Variants in NBEA observed in about 807,000 individuals in gnomAD.
The protein encoded by NBEA is neurobeachin.
Under a neutral mutation model 343.4 loss-of-function variants are expected in NBEA, and 44 were observed. The observed-to-expected ratio is 0.13, with a 90% CI of 0.10 to 0.16. NBEA has a LOEUF of 0.16. NBEA is among the 10% of genes least tolerant of loss of function. NBEA has a pLI of 1.00. For synonymous variants in NBEA, 1,175 were observed against 1,238.7 expected, an observed-to-expected ratio of 0.95 and a Z score of 1.08; for missense variants, 2,555 against 3,631.3, an observed-to-expected ratio of 0.70 and a Z score of 7.62.
At chr13:35,100,605 A>G (rs1225321613) in intron 11 of NBEA, among the ~76,000 whole-genome samples, 3 of 152,006 alleles carry the variant, frequency 2.0e-5, no homozygotes, top group African/African-American at 7.2e-5. Context: ...TGTATCAGAA[A>G]ATTCTAAAGT....
intron 31 of NBEA, among the ~76,000 whole-genome samples, chr13:35,197,573 A>G (rs1054612585): frequency 2.0e-5 from 3 of 151,806 alleles, no homozygotes; most frequent in Admixed American, 6.6e-5. Context: ...GCTAGAGTGC[A>G]GTGGTGCGAT....
intron 46 of NBEA, among the ~76,000 whole-genome samples, chr13:35,589,307 T>G (rs562265564): frequency 6.6e-6 from 1 of 152,098 alleles, no homozygotes; most frequent in Non-Finnish European, 1.5e-5. Context: ...GACCTTGAAT[T>G]TTCTCAGATA....
At chr13:35,501,495 T>A (rs2076887322) in intron 41 of NBEA, among the ~76,000 whole-genome samples, 1 of 152,148 alleles carries the variant, frequency 6.6e-6, no homozygotes, top group Non-Finnish European at 1.5e-5. Context: ...TTTTCAAAGC[T>A]GTAGTTTTAT....
chr13:35,317,336 C>G (rs2037810423), intron 36 of NBEA, among the ~76,000 whole-genome samples: 1 of 152,142 alleles, frequency 6.6e-6, no homozygotes, highest in Admixed American at 6.5e-5. Context: ...AGCCAGTTTT[C>G]CCAGCACCAT....
At position 35,271,520 on chromosome 13, in the gene NBEA, C is replaced by T. The variant is rs568773342; in HGVS notation, c.5777-18869C>T. On this transcript the variant is annotated intron_variant, in intron 34 of 58. Transcript: ENST00000379939. ...ATGGAGAATGACTTTGACGAGTTGA[C>T]AGAAGTAGGCTTCAGAAGGTTAGTA... Among the ~76,000 whole-genome samples the T allele has an allele frequency of 2.0e-4, 30 of 152,244 alleles. No individual in the cohort carries two copies. The South Asian group carries it at 5.4e-3, about 27-fold the overall frequency.
chr13:35,318,128 T>G (rs2037875586), intron 36 of NBEA, among the ~76,000 whole-genome samples: 1 of 152,128 alleles, frequency 6.6e-6, no homozygotes, highest in Admixed American at 6.6e-5. Context: ...CCAGAACTTC[T>G]GATACTATGT....
chr13:35,152,511 C>T (rs986147883), intron 18 of NBEA, among the ~76,000 whole-genome samples: 5 of 152,112 alleles, frequency 3.3e-5, no homozygotes, highest in Non-Finnish European at 7.4e-5. Context: ...ACTAATACTA[C>T]AAAATTTATG....
intron 41 of NBEA, among the ~76,000 whole-genome samples, chr13:35,479,574 A>AT (rs2076036179): frequency 6.6e-6 from 1 of 152,094 alleles, no homozygotes; most frequent in Non-Finnish European, 1.5e-5. Context: ...TGGGGGATAT[A>AT]TTTATTTTAT....
intron 45 of NBEA, among the ~76,000 whole-genome samples, chr13:35,577,231 A>G (rs988604044): frequency 6.6e-6 from 1 of 152,190 alleles, no homozygotes; most frequent in East Asian, 1.9e-4. Flanking sequence ...CATAGTGCCA[A>G]TGTGGATAAA....
At position 35,155,824 on chromosome 13, in the gene NBEA, G is replaced by T; in HGVS notation, c.2496G>T (p.Glu832Asp). ...AGGTCGTACACAAACCACATCCAGA[G>T]CCAGATTCTACAGTGAAAATTCAGA... ...CTQVVHKPHP[E>D]PDSTVKIQNP... Residue 832 changes from glutamate to aspartate, a missense_variant, in exon 19 of 59, where the codon GAG becomes GAT. By Grantham distance (45) the Glu-to-Asp change is conservative. Around this residue, in one of 21 missense-constraint regions of NBEA, gnomAD observed 360 missense variants for 519.1 expected, o/e 0.69. Transcript: ENST00000379939. 2 of 1,612,688 alleles carry T rather than the reference G, an allele frequency of 1.2e-6. No individual in the cohort carries two copies. Among genetic ancestry groups the T allele is most frequent in the Non-Finnish European group, 1.7e-6 (2 of 1,178,814 alleles).
chr13:35,164,645 A>G lies in NBEA; in HGVS notation c.4233+136A>G, dbSNP rs183339324. 3,086 of 917,610 alleles carry G rather than the reference A, an allele frequency of 3.4e-3. 28 individuals are homozygous for G. The highest frequency in any genetic ancestry group is 5.3e-3 in the South Asian group (341 of 63,796). 56.8% of individuals were successfully genotyped at this position (917,610 alleles called of 1,614,324 possible). A position where few individuals can be genotyped will look rare whatever the true frequency, so the allele number is the denominator to read the frequency against. On this transcript the variant is annotated intron_variant, in intron 24 of 58. Transcript: ENST00000379939. ...CAAATTTTTAACCATTTAAATTTCT[A>G]TTTCCACCACTTTTGTTTATCAGTG... is the stretch of plus-strand genomic sequence containing the variant.
intron 40 of NBEA, among the ~76,000 whole-genome samples, chr13:35,464,594 C>T (rs958223185): frequency 1.3e-5 from 2 of 152,176 alleles, no homozygotes; most frequent in African/African-American, 4.8e-5. Flanking sequence ...ACTTTCGAAT[C>T]AGATCACCAA....
intron 38 of NBEA, among the ~76,000 whole-genome samples, chr13:35,395,117 G>A (rs1214032538): frequency 6.6e-6 from 1 of 152,078 alleles, no homozygotes; most frequent in Non-Finnish European, 1.5e-5. Flanking sequence ...CATACTCCAT[G>A]TAATTTCAGT....
intron 34 of NBEA, among the ~76,000 whole-genome samples, chr13:35,285,919 A>G (rs2035393722): frequency 6.6e-6 from 1 of 151,456 alleles, no homozygotes; most frequent in African/African-American, 2.4e-5. Context: ...TAACATTCCA[A>G]CTCCACTTTG....
chr13:35,451,898 A>G (rs752817220), intron 39 of NBEA, among the ~76,000 whole-genome samples, 194 bp from the exon 40 acceptor site: 1 of 152,196 alleles, frequency 6.6e-6, no homozygotes, highest in Non-Finnish European at 1.5e-5. Flanking sequence ...ATAAGGGTAG[A>G]TCATTACAGC....
intron 34 of NBEA, among the ~76,000 whole-genome samples, chr13:35,264,811 T>C (rs887173731): frequency 6.6e-6 from 1 of 151,918 alleles, no homozygotes; most frequent in African/African-American, 2.4e-5. Context: ...TTTGAAACTT[T>C]TTCCTCTAAG....
chr13:35,039,806 C>T (rs1382059639), intron 1 of NBEA, among the ~76,000 whole-genome samples: 1 of 152,126 alleles, frequency 6.6e-6, no homozygotes, highest in Non-Finnish European at 1.5e-5. Context: ...CTGTCTGTTC[C>T]TAATCTTGTT....
At chr13:35,420,210 G>A (rs2044185095) in intron 38 of NBEA, among the ~76,000 whole-genome samples, 1 of 151,970 alleles carries the variant, frequency 6.6e-6, no homozygotes, top group Admixed American at 6.6e-5. Context: ...CCAGTTTTAG[G>A]TGGAGAACAT....
intron 34 of NBEA, among the ~76,000 whole-genome samples, chr13:35,255,420 A>G (rs2032473471): frequency 6.6e-6 from 1 of 152,222 alleles, no homozygotes; most frequent in Non-Finnish European, 1.5e-5. Context: ...GCTGGCCTAG[A>G]TCCCATGCGA....
Sources: allele counts gnomAD v4.1 joint callset (sites outside exome capture counted in the v4.1 genomes callset), GRCh38; gene constraint gnomAD v4.1.1; regional missense constraint gnomAD v4.1.1; transcripts MANE v1.5; gene names NCBI Gene and HGNC (gene_info 2026-07-23, HGNC 2026-07-21).